NF1: variants seen among roughly 807,000 people sequenced by gnomAD.
The protein encoded by NF1 is neurofibromin 1.
A neutral mutation model predicts 325.7 loss-of-function variants in NF1; 122 were observed. That is an observed-to-expected ratio of 0.37 (90% CI 0.32 to 0.44). The LOEUF is 0.44. Ranked by LOEUF, NF1 falls within the 20% of genes least tolerant of loss-of-function variation. The pLI is 1.00. For missense variants in NF1, 2,140 were observed against 3,415.4 expected (o/e 0.63, Z 9.31); for synonymous variants, 1,091 against 1,186.0 (o/e 0.92, Z 1.65).
intron 1 of NF1, among the ~76,000 whole-genome samples, chr17:31,147,254 T>C (rs904221205): frequency 6.6e-6 from 1 of 152,216 alleles, no homozygotes; most frequent in Non-Finnish European, 1.5e-5. Flanking sequence ...TTTCCAGGGA[T>C]CTATCCTGAC....
At chr17:31,097,196 G>A (rs1480560082) in intron 1 of NF1, among the ~76,000 whole-genome samples, 1 of 152,042 alleles carries the variant, frequency 6.6e-6, no homozygotes, top group Admixed American at 6.6e-5. Flanking sequence ...GGTGGCTCAC[G>A]CCTGTAATCC....
intron 49 of NF1, 56 bp from the exon 50 acceptor site, chr17:31,350,127 T>C: frequency 6.2e-7 from 1 of 1,600,948 alleles, no homozygotes; most frequent in Non-Finnish European, 8.6e-7. Context: ...TCATCCTGTT[T>C]TAAGTCACAC....
intron 8 of NF1, among the ~76,000 whole-genome samples, chr17:31,197,681 C>CT (rs1227079951): frequency 6.6e-6 from 1 of 152,042 alleles, no homozygotes; most frequent in Non-Finnish European, 1.5e-5. Context: ...TTTATTAGCT[C>CT]TAACAGCTTG....
intron 12 of NF1, among the ~76,000 whole-genome samples, chr17:31,207,071 C>G (rs1265363309): frequency 2.6e-5 from 4 of 152,120 alleles, no homozygotes; most frequent in Non-Finnish European, 4.4e-5. Context: ...TATACAAGAG[C>G]AACTCTTGAC....
At position 31,350,288 on chromosome 17, in the gene NF1, A is replaced by T. The variant is rs2151574575; in HGVS notation, c.7427A>T (p.Tyr2476Phe). 6.2e-7 allele frequency: 1 copy of T among 1,612,608 alleles called. No homozygotes were observed. The highest frequency in any genetic ancestry group is 8.5e-7 in the Non-Finnish European group (1 of 1,178,758). ...ISMENVPMDT[Y>F]PIHHGDPSYR... ...ATGGAAAATGTTCCTATGGATACAT[A>T]TCCCATTCATCATGGTGACCCTTCC... The change falls in exon 50 of 58, where the codon TAT becomes TTT. Residue 2476 changes from tyrosine (Y) to phenylalanine (F), a missense_variant. By Grantham distance (22) the Tyr-to-Phe change is conservative (BLOSUM62 3). This residue lies in a region of NF1 where 522 missense variants were observed against 749.0 expected (regional missense o/e 0.70). Coordinates refer to ENST00000358273, the MANE Select transcript of NF1 (RefSeq NM_001042492.3).
chr17:31,222,832 C>T (rs1051974505), intron 15 of NF1: 3 of 156,844 alleles, frequency 1.9e-5, no homozygotes, highest in Non-Finnish European at 2.8e-5. Context: ...TCAATAGCCA[C>T]GTGTGGCTGG....
At chr17:31,351,668 G>A (rs1303884154) in intron 50 of NF1, among the ~76,000 whole-genome samples, 1 of 152,074 alleles carries the variant, frequency 6.6e-6, no homozygotes, top group South Asian at 2.1e-4. Context: ...CGCCTGCCTC[G>A]GCCTCCCAAA....
At chr17:31,140,781 A>G (rs1916150401) in intron 1 of NF1, among the ~76,000 whole-genome samples, 1 of 152,214 alleles carries the variant, frequency 6.6e-6, no homozygotes, top group African/African-American at 2.4e-5. Context: ...TCAGCCTTTA[A>G]AAAGAAGGAT....
rs2069381323 is a variant in NF1, at chr17:31,327,694, C to A, written c.5464C>A (p.Gln1822Lys). 6.2e-7 allele frequency: 1 copy of A among 1,614,100 alleles called. No homozygotes were observed. Among genetic ancestry groups the A allele is most frequent in the Non-Finnish European group, 8.5e-7 (1 of 1,180,024 alleles). Reference protein sequence around the residue: ...FMHQECEAIVQSIIHIRTRWE... With the variant: ...FMHQECEAIVKSIIHIRTRWE... ...GCACCAGGAGTGTGAAGCCATTGTC[C>A]AGTCTATCATTCATATCCGGACCCG... Residue 1822 changes from glutamine to lysine, a missense_variant, in exon 38 of 58, where the codon CAG becomes AAG. By Grantham distance (53) the Gln-to-Lys change is moderately conservative. Transcript: ENST00000358273.
rs1597842793 is a variant in NF1, at chr17:31,336,694, A to G, written c.6207A>G (p.Leu2069=). The G allele has an allele frequency of 6.2e-7, 1 of 1,613,828 alleles. No individual in the cohort carries two copies. The highest frequency in any genetic ancestry group is 1.7e-5 in the Admixed American group (1 of 60,000). The stretch of plus-strand genomic sequence containing the variant: ...CATGCTTATCTCCAACTCCTACTTT[A>G]GAACAACATCTTATGTGGGATGATA... ...DKTCLSPTPT[L]EQHLMWDDIA... Residue 2069 remains leucine, a synonymous_variant, in exon 42 of 58, where the codon TTA becomes TTG. Transcript: ENST00000358273. This position sits in a 1 kb window ranked among gnomAD's most constrained non-coding sequence, Gnocchi z 5.5.
At chr17:31,103,339 T>C (rs1047352554) in intron 1 of NF1, among the ~76,000 whole-genome samples, 1 of 151,694 alleles carries the variant, frequency 6.6e-6, no homozygotes, top group African/African-American at 2.4e-5. Context: ...GCCTCCCGGG[T>C]TCAAGTGATT....
Position 31,376,172 on chromosome 17 carries a change from C to T in NF1, c.*2017C>T, listed in dbSNP as rs2070728316. ...CCCAGTGTTTCTGGGGTAAGTTTCA[C>T]AGTTTCTAGGCCCTGGAATAGCAGG... is the stretch of plus-strand genomic sequence containing the variant. On this transcript the variant is annotated 3_prime_UTR_variant, in exon 58 of 58. Coordinates refer to ENST00000358273, the MANE Select transcript of NF1 (RefSeq NM_001042492.3). The T allele has an allele frequency of 4.3e-6, 1 of 232,946 alleles. No homozygotes were observed. Among genetic ancestry groups the T allele is most frequent in the African/African-American group, 2.2e-5 (1 of 45,342 alleles). 14.4% of individuals were successfully genotyped at this position (232,946 alleles called of 1,614,324 possible). A position where few individuals can be genotyped will look rare whatever the true frequency, so the allele number is the denominator to read the frequency against.
chr17:31,356,613 G>A (rs2070276758), intron 52 of NF1, 31 bp downstream of exon 52: 3 of 1,612,312 alleles, frequency 1.9e-6, no homozygotes, highest in African/African-American at 2.7e-5. Context: ...CTAGATCATT[G>A]AAAATAAGGT....
In NF1 at chr17:31,261,804, A is replaced by T. The variant is rs876658990; in HGVS notation, c.4671A>T (p.Thr1557=). 2 of 1,612,914 alleles carry T rather than the reference A, an allele frequency of 1.2e-6. No homozygotes were observed. The highest frequency in any genetic ancestry group is 1.7e-6 in the Non-Finnish European group (2 of 1,179,960). The change falls in exon 35 of 58, where the codon ACA becomes ACT. Residue 1557 remains threonine, a synonymous_variant. Transcript: ENST00000358273. ...GPPEHKPVAD[T]HWSSLNLTSS... ...CAGAGCACAAACCTGTGGCAGATAC[A>T]CACTGGTCCAGCCTTAACCTTACCA...
At chr17:31,358,408 A>T (rs2151584546) in intron 54 of NF1, 72 bp from the exon 55 acceptor site, 2 of 1,440,860 alleles carry the variant, frequency 1.4e-6, no homozygotes, top group Non-Finnish European at 1.9e-6. Flanking sequence ...AATGTATATT[A>T]TGTTTTCCAC....
intron 36 of NF1, among the ~76,000 whole-genome samples, chr17:31,308,596 G>A (rs958495480): frequency 6.6e-5 from 10 of 151,954 alleles, no homozygotes; most frequent in Admixed American, 3.9e-4. Context: ...CTGCTAAACA[G>A]ACACTTCTAT....
In NF1 at chr17:31,376,567, G is replaced by A. The variant is rs2070734273; in HGVS notation, c.*2412G>A. 4.3e-6 allele frequency: 1 copy of A among 232,960 alleles called. No homozygotes were observed. The highest frequency in any genetic ancestry group is 1.8e-4 in the South Asian group (1 of 5,526). 14.4% of individuals were successfully genotyped at this position (232,960 alleles called of 1,614,324 possible). On this transcript the variant is annotated 3_prime_UTR_variant, in exon 58 of 58. Transcript: ENST00000358273. ...CTTTCCAAGTAACTAAAATGTACAT[G>A]AGATAAACCTCTCACCACTATGTGT...
At chr17:31,137,164 T>C (rs1014944844) in intron 1 of NF1, 8 of 152,204 alleles carry the variant, frequency 5.3e-5, no homozygotes, top group African/African-American at 1.9e-4. Flanking sequence ...TGTTTGTAGG[T>C]ATATGGATCT....
At chr17:31,293,143 A>AC (rs1331174877) in intron 36 of NF1, among the ~76,000 whole-genome samples, 2 of 132,736 alleles carry the variant, frequency 1.5e-5, no homozygotes, top group Admixed American at 9.1e-5. Context: ...ACGCCATTGC[A>AC]CTCCAGCCTG....
Sources: gnomAD v4.1 joint callset for allele counts (sites outside exome capture counted in the v4.1 genomes callset) on GRCh38, gnomAD v4.1.1 for gene constraint, gnomAD v4.1.1 regional missense constraint, Gnocchi (gnomAD v3.1) non-coding constraint, MANE v1.5 for transcripts, NCBI Gene and HGNC (gene_info 2026-07-23, HGNC 2026-07-21) for gene names.